The following TET3 variants were observed in gnomAD, a reference collection of about 807,000 sequenced individuals.
The protein encoded by TET3 is methylcytosine dioxygenase TET3.
A neutral mutation model predicts 141.4 loss-of-function variants in TET3; 19 were observed. That is an observed-to-expected ratio of 0.13 (90% CI 0.09 to 0.20). The LOEUF (loss-of-function observed/expected upper bound fraction) is 0.20. TET3 is among the 10% of genes least tolerant of loss of function. TET3 has a pLI of 1.00. For missense variants in TET3, 1,874 were observed against 2,356.9 expected (o/e 0.80, Z 4.24); for synonymous variants, 1,043 against 980.9 (o/e 1.06, Z -1.18).
intron 3 of TET3, among the ~76,000 whole-genome samples, chr2:74,006,686 G>T (rs966084094): frequency 6.6e-6 from 1 of 152,204 alleles, no homozygotes; most frequent in African/African-American, 2.4e-5. Context: ...GGATGGGGGT[G>T]GGGGCAGGGA....
intron 3 of TET3, among the ~76,000 whole-genome samples, chr2:74,017,848 T>G (rs1220185378): frequency 6.6e-6 from 1 of 152,186 alleles, no homozygotes; most frequent in Non-Finnish European, 1.5e-5. Context: ...TAATTTACAT[T>G]CCCACCAACA....
intron 4 of TET3, among the ~76,000 whole-genome samples, chr2:74,062,085 G>C (rs901653984): frequency 6.6e-6 from 1 of 152,200 alleles, no homozygotes; most frequent in African/African-American, 2.4e-5. Flanking sequence ...GGAGGTGGAG[G>C]TTGTAGCGAG....
rs1287733298 is a variant in TET3, at chr2:73,986,456, A to G, written c.53A>G (p.Tyr18Cys). ...GTCCAGCCGGACCTGCCAGGCCTTT[A>G]TGACTTCCCTCAGCGCCAGGTGATG... ...LAVQPDLPGL[Y>C]DFPQRQVMVG... Residue 18 changes from tyrosine to cysteine, a missense_variant, in exon 2 of 12, where the codon TAT becomes TGT. This residue lies in a region of TET3 where 366 missense variants were observed against 487.0 expected (regional missense o/e 0.75). Transcript: ENST00000409262. 6.5e-6 allele frequency: 8 copies of G among 1,232,096 alleles called. No homozygotes were observed. The highest frequency in any genetic ancestry group is 8.1e-6 in the Non-Finnish European group (8 of 988,074). The allele number at this position is 1,232,096 out of a possible 1,614,324, so 76.3% of individuals were successfully genotyped here.
chr2:74,058,548 T>TA (rs1230508719), intron 4 of TET3, among the ~76,000 whole-genome samples: 6 of 152,094 alleles, frequency 3.9e-5, no homozygotes, highest in Non-Finnish European at 7.4e-5. Context: ...GTTGGTCACC[T>TA]ATATTAGGTT....
chr2:74,037,180 G>T (rs1687112009), intron 3 of TET3, among the ~76,000 whole-genome samples: 1 of 152,168 alleles, frequency 6.6e-6, no homozygotes, highest in Non-Finnish European at 1.5e-5. Flanking sequence ...GCAAGAACAG[G>T]CAGATGTGCA....
At chr2:74,035,918 T>C (rs376407744) in intron 3 of TET3, among the ~76,000 whole-genome samples, 1 of 150,404 alleles carries the variant, frequency 6.6e-6, no homozygotes, top group African/African-American at 2.5e-5. Context: ...CTTGGGAGAC[T>C]GAGGTACAAG....
Position 74,104,059 on chromosome 2 carries a change from G to A in TET3, c.*1883G>A, listed in dbSNP as rs960707504. ...GGAGGGTCGTTGTAAGATGTCCTGAGCATTTATGTGGTCTGGTTTTAACTG... is the reference window on the plus strand; with the variant it reads ...GGAGGGTCGTTGTAAGATGTCCTGAACATTTATGTGGTCTGGTTTTAACTG... On this transcript the variant is annotated 3_prime_UTR_variant, in exon 12 of 12. Transcript: ENST00000409262. The A allele has an allele frequency of 6.5e-6, 1 of 153,618 alleles. No homozygotes were observed. The highest frequency in any genetic ancestry group is 1.5e-5 in the Non-Finnish European group (1 of 68,024). 9.5% of individuals were successfully genotyped at this position (153,618 alleles called of 1,614,324 possible).
the TET3 span, among the ~76,000 whole-genome samples, chr2:74,134,055 TAGA>T: frequency 7.2e-5 from 11 of 152,158 alleles, no homozygotes; most frequent in Non-Finnish European, 1.6e-4. Context: ...TTCTGTTCTT[TAGA>T]AGATCACCAT....
intron 4 of TET3, among the ~76,000 whole-genome samples, chr2:74,065,759 CTT>C (rs1476494956): frequency 7.6e-6 from 1 of 131,202 alleles, no homozygotes; most frequent in Non-Finnish European, 1.7e-5. Flanking sequence ...CTTCTCTTCT[CTT>C]TTGTTTTTTC....
intron 4 of TET3, among the ~76,000 whole-genome samples, chr2:74,069,777 G>A (rs1284959735): frequency 6.6e-6 from 1 of 151,838 alleles, no homozygotes; most frequent in African/African-American, 2.4e-5. Flanking sequence ...TTATTTGTTT[G>A]TTTGTATTGA....
the TET3 span, among the ~76,000 whole-genome samples, chr2:74,133,350 T>C: frequency 1.3e-5 from 2 of 152,196 alleles, no homozygotes; most frequent in African/African-American, 2.4e-5. Context: ...CAAACACATA[T>C]ATGTATTTCA....
rs1347340817 is a variant in TET3, at chr2:73,986,329, TTGG to T, written c.-71_-69del. ...GACTGTTCTAGGCGAGAAGGACCTG[TTGG>T]TGGCCTTTGGAGGTGGCAGGAAACG... On this transcript the variant is annotated 5_prime_UTR_variant, in exon 2 of 12. Transcript: ENST00000409262. 17 of 1,206,882 alleles carry T rather than the reference TTGG, an allele frequency of 1.4e-5. No homozygotes were observed. Among genetic ancestry groups the T allele is most frequent in the African/African-American group, 3.1e-5 (2 of 63,964 alleles). 74.8% of individuals were successfully genotyped at this position (1,206,882 alleles called of 1,614,324 possible).
chr2:73,984,041 T>A (rs1400785655), upstream of TET3, among the ~76,000 whole-genome samples: 1 of 152,262 alleles, frequency 6.6e-6, no homozygotes, highest in African/African-American at 2.4e-5. The surrounding 1 kb of genome is among the most constrained non-coding windows in gnomAD (Gnocchi z 5.6). Flanking sequence ...CCCTGCCCCT[T>A]ACCCCCTGCC....
chr2:74,002,915 C>CGG lies in TET3; in HGVS notation c.304-191_304-190dup, dbSNP rs1260369178. On this transcript the variant is annotated intron_variant, in intron 2 of 11. Coordinates refer to ENST00000409262, the MANE Select transcript of TET3 (RefSeq NM_001287491.2). ...ATGAAAACAAAAACACACTGGAAGG[C>CGG]GGGGGAGCCTGTCTGCCGTGATCCA... is the stretch of plus-strand genomic sequence containing the variant. 1.3e-5 allele frequency: 8 copies of CGG among 604,694 alleles called. 1 individual carries two copies. Among genetic ancestry groups the CGG allele is most frequent in the African/African-American group, 9.3e-5 (5 of 53,848 alleles). The allele number at this position is 604,694 out of a possible 1,614,324, so 37.5% of individuals were successfully genotyped here.
At chr2:74,134,562 A>T in the TET3 span, 1 of 385,366 alleles carries the variant, frequency 2.6e-6, no homozygotes, top group Non-Finnish European at 5.3e-6. Flanking sequence ...GGTCGGTTCC[A>T]TGAAAGGCAA....
At chr2:74,007,065 G>C (rs1471481177) in intron 3 of TET3, among the ~76,000 whole-genome samples, 1 of 152,106 alleles carries the variant, frequency 6.6e-6, no homozygotes, top group African/African-American at 2.4e-5. Flanking sequence ...TGAAAAATAA[G>C]AGAAATCATT....
In TET3 at chr2:74,101,284, A is replaced by G. The variant is rs1364266885; in HGVS notation, c.4496A>G (p.Gln1499Arg). 1 of 1,612,878 alleles carries G rather than the reference A, an allele frequency of 6.2e-7. No homozygotes were observed. The highest frequency in any genetic ancestry group is 8.5e-7 in the Non-Finnish European group (1 of 1,179,574). Reference protein sequence around the residue: ...QWGLFPGEGQQAASHSGGRLR... With the variant: ...QWGLFPGEGQRAASHSGGRLR... ...GGGCTGTTCCCCGGTGAGGGGCAGC[A>G]GGCAGCTTCCCACTCTGGAGGACGG... Residue 1499 changes from glutamine (Q) to arginine (R), a missense_variant, in exon 12 of 12, where the codon CAG becomes CGG. Gln to Arg is a conservative substitution (Grantham distance 43). Transcript: ENST00000409262. This position sits in a 1 kb window ranked among gnomAD's most constrained non-coding sequence, Gnocchi z 8.5.
At chr2:74,092,835 C>A in intron 8 of TET3, 67 bp from the exon 9 acceptor site, 2 of 1,387,170 alleles carry the variant, frequency 1.4e-6, no homozygotes, top group South Asian at 1.2e-5. Flanking sequence ...AATGCCAGTC[C>A]ACTTCCAGGG....
At position 74,100,996 on chromosome 2, in the gene TET3, C is replaced by T. The variant is rs372575139; in HGVS notation, c.4208C>T (p.Pro1403Leu). The T allele has an allele frequency of 4.3e-5, 69 of 1,612,756 alleles. 1 individual carries two copies. Among genetic ancestry groups the T allele is most frequent in the African/African-American group, 6.7e-5 (5 of 74,894 alleles). ...TCCATCAAGCAAGAGCCAGTAGACC[C>T]GCTGACCCAGGCTGAGCCTGTGCCC... ...NRSIKQEPVDPLTQAEPVPRD... is the reference protein window; with the variant it reads ...NRSIKQEPVDLLTQAEPVPRD... The change falls in exon 12 of 12, where the codon CCG becomes CTG. Residue 1403 changes from proline (P) to leucine (L), a missense_variant. Transcript: ENST00000409262.
Sources: allele counts gnomAD v4.1 joint callset (sites outside exome capture counted in the v4.1 genomes callset), GRCh38; gene constraint gnomAD v4.1.1; regional missense constraint gnomAD v4.1.1; non-coding constraint Gnocchi (gnomAD v3.1); transcripts MANE v1.5; gene names NCBI Gene and HGNC (gene_info 2026-07-23, HGNC 2026-07-21).